Variants in ICA1 observed in about 807,000 individuals in gnomAD.
The protein encoded by ICA1 is 69 kDa islet cell autoantigen.
In ICA1, 40 loss-of-function variants were observed where a neutral mutation model predicts 71.0. The observed-to-expected ratio is 0.56, with a 90% CI of 0.44 to 0.73. The LOEUF (loss-of-function observed/expected upper bound fraction) is 0.73, where lower values mean the gene tolerates loss of function less well. ICA1 is among the 30% of genes least tolerant of loss of function. ICA1 has a pLI of 0.00. For missense variants in ICA1, 578 were observed against 576.5 expected (o/e 1.00, Z -0.03); for synonymous variants, 207 against 209.5 (o/e 0.99, Z 0.10).
At chr7:8,258,912 T>A (rs1293826087) in intron 1 of ICA1, among the ~76,000 whole-genome samples, 1 of 152,194 alleles carries the variant, frequency 6.6e-6, no homozygotes, top group South Asian at 2.1e-4. Flanking sequence ...GAGATTATAA[T>A]ATCTACTTAT....
intron 13 of ICA1, chr7:8,114,909 T>A (rs1311290492): frequency 1.3e-5 from 2 of 152,222 alleles, no homozygotes; most frequent in Admixed American, 6.5e-5. Context: ...AGAAAACGTC[T>A]CTGATGGGTG....
intron 6 of ICA1, among the ~76,000 whole-genome samples, chr7:8,199,926 G>T (rs1788981835): frequency 6.6e-6 from 1 of 152,118 alleles, no homozygotes; most frequent in South Asian, 2.1e-4. Flanking sequence ...AATGGGAAGT[G>T]GGAAGGGAAG....
chr7:8,209,349 T>C (rs945012043), intron 6 of ICA1, among the ~76,000 whole-genome samples: 1 of 152,208 alleles, frequency 6.6e-6, no homozygotes, highest in African/African-American at 2.4e-5. Flanking sequence ...AAAAACTGTA[T>C]GGATAGTTCC....
intron 13 of ICA1, among the ~76,000 whole-genome samples, chr7:8,125,934 T>C (rs1788995888): frequency 1.3e-5 from 2 of 152,184 alleles, no homozygotes; most frequent in East Asian, 1.9e-4. Flanking sequence ...GCCTTTCCCG[T>C]GTATATGGGG....
chr7:8,124,278 G>C (rs1459365361), intron 13 of ICA1, among the ~76,000 whole-genome samples: 2 of 151,604 alleles, frequency 1.3e-5, no homozygotes, highest in East Asian at 3.9e-4. Context: ...GCACCAGCAT[G>C]CCCAGCTAAT....
At chr7:8,128,239 G>T (rs1334467508) in intron 12 of ICA1, 97 bp from the exon 13 acceptor site, 3 of 1,241,920 alleles carry the variant, frequency 2.4e-6, no homozygotes, top group Admixed American at 2.3e-5. Context: ...CTGGTTGATG[G>T]CTAGATTTAA....
At chr7:8,126,077 A>G (rs1182355878) in intron 13 of ICA1, among the ~76,000 whole-genome samples, 1 of 152,182 alleles carries the variant, frequency 6.6e-6, no homozygotes, top group Non-Finnish European at 1.5e-5. Flanking sequence ...AGGAGCTCTG[A>G]CTTCTTGGCT....
At chr7:8,115,275 A>G (rs149151365) in intron 13 of ICA1, among the ~76,000 whole-genome samples, 102 of 152,314 alleles carry the variant, frequency 6.7e-4, no homozygotes, top group African/African-American at 2.1e-3. Flanking sequence ...TCCATGTGCA[A>G]TTAGCCCTGG....
At chr7:8,229,052 G>A (rs1479044942) in intron 3 of ICA1, among the ~76,000 whole-genome samples, 1 of 152,010 alleles carries the variant, frequency 6.6e-6, no homozygotes, top group Admixed American at 6.5e-5. Context: ...ACCACTTGCT[G>A]TGGTTTTTTT....
intron 6 of ICA1, among the ~76,000 whole-genome samples, chr7:8,184,655 C>CTATT (rs3840620): frequency 0.018 from 2,781 of 152,120 alleles, 28 homozygotes; most frequent in Middle Eastern, 0.031. Context: ...ACCTAATGAA[C>CTATT]TATTGTGGAT....
chr7:8,160,768 G>T (rs566956909), intron 6 of ICA1, among the ~76,000 whole-genome samples: 16 of 152,296 alleles, frequency 1.1e-4, no homozygotes, highest in African/African-American at 3.9e-4. Context: ...ACCATACCAT[G>T]AGCTGGACGG....
At chr7:8,143,693 G>A (rs1795959129) in intron 9 of ICA1, among the ~76,000 whole-genome samples, 182 bp downstream of exon 9, 1 of 152,202 alleles carries the variant, frequency 6.6e-6, no homozygotes, top group Non-Finnish European at 1.5e-5. Flanking sequence ...TGGGATACGT[G>A]AGTCATGACC....
chr7:8,228,757 T>C (rs1271702226), intron 3 of ICA1, 84 bp from the exon 4 acceptor site: 10 of 876,224 alleles, frequency 1.1e-5, no homozygotes, highest in Non-Finnish European at 1.7e-5. Context: ...AACCAGAGTG[T>C]TCAATTTGCC....
chr7:8,253,662 TA>T (rs1808992677), intron 1 of ICA1, among the ~76,000 whole-genome samples: 1 of 152,088 alleles, frequency 6.6e-6, no homozygotes, highest in Non-Finnish European at 1.5e-5. Context: ...TAATTAAATA[TA>T]AAGAGAGAAA....
chr7:8,131,627 C>T (rs1467249044), intron 12 of ICA1, among the ~76,000 whole-genome samples: 1 of 152,124 alleles, frequency 6.6e-6, no homozygotes, highest in African/African-American at 2.4e-5. Flanking sequence ...CTGACTTGAA[C>T]CATAAAACAC....
At chr7:8,156,365 C>G (rs1211409260) in intron 8 of ICA1, among the ~76,000 whole-genome samples, 1 of 152,140 alleles carries the variant, frequency 6.6e-6, no homozygotes, top group African/African-American at 2.4e-5. Context: ...TAGTTCATGC[C>G]TCGTTTTCTT....
At chr7:8,261,600 A>C (rs1812432846) in intron 1 of ICA1, among the ~76,000 whole-genome samples, 1 of 152,152 alleles carries the variant, frequency 6.6e-6, no homozygotes, top group African/African-American at 2.4e-5. Context: ...CCCCTGCCAA[A>C]AAAAGGGCCA....
Position 8,234,340 on chromosome 7 carries a change from T to C in ICA1, c.17+1570A>G, listed in dbSNP as rs1342429481. On this transcript the variant is annotated intron_variant, in intron 2 of 13. Transcript: ENST00000402384. The surrounding 1 kb of genome is among the most constrained non-coding windows in gnomAD (Gnocchi z 4.5). ...TGGAAAGTTTGCTGATGGAGTTCCA[T>C]CCCTCCCCTTGCTTCGTCCACATCC... Among the ~76,000 whole-genome samples, 2 of 152,152 alleles carry C rather than the reference T, an allele frequency of 1.3e-5. No homozygotes were observed. Among genetic ancestry groups the C allele is most frequent in the African/African-American group, 4.8e-5 (2 of 41,426 alleles).
chr7:8,218,019 G>C (rs980242658), intron 6 of ICA1, among the ~76,000 whole-genome samples: 18 of 152,126 alleles, frequency 1.2e-4, no homozygotes, highest in African/African-American at 4.3e-4. Context: ...GCATGAAAAG[G>C]CATTTAAATG....
Sources: allele counts gnomAD v4.1 joint callset (sites outside exome capture counted in the v4.1 genomes callset), GRCh38; gene constraint gnomAD v4.1.1; non-coding constraint Gnocchi (gnomAD v3.1); transcripts MANE v1.5; gene names NCBI Gene and HGNC (gene_info 2026-07-23, HGNC 2026-07-21).